Variants in SLC12A5 observed in about 807,000 individuals in gnomAD.
SLC12A5 encodes the protein solute carrier family 12 member 5.
SLC12A5 carries 18 observed loss-of-function variants against 124.0 expected under a neutral mutation model. The ratio of observed to expected loss-of-function variants is 0.15; its 90% CI spans 0.10 to 0.22. The LOEUF is 0.22. SLC12A5 is among the 10% of genes least tolerant of loss of function. SLC12A5 has a pLI of 1.00. For synonymous variants in SLC12A5, 589 were observed against 568.0 expected (o/e 1.04, Z -0.53); for missense variants, 867 against 1,478.7 (o/e 0.59, Z 6.78).
intron 17 of SLC12A5, 64 bp from the exon 18 acceptor site, chr20:46,051,611 A>C (rs1191630027): frequency 6.7e-7 from 1 of 1,500,904 alleles, no homozygotes; most frequent in African/African-American, 1.4e-5. Context: ...GAAGGAGGCT[A>C]CAATGGGCCC....
Position 46,029,243 on chromosome 20 carries a change from G to C in SLC12A5, c.-102G>C, listed in dbSNP as rs927289501. On this transcript the variant is annotated 5_prime_UTR_variant, in exon 1 of 26. Transcript: ENST00000243964. The stretch of plus-strand genomic sequence containing the variant: ...GCAGCTTCTTCCTCCGTGGAGCGGA[G>C]AGCGAGACAGAGCTACAGCGAACGA... 2.7e-6 allele frequency: 4 copies of C among 1,460,740 alleles called. No individual in the cohort carries two copies. The highest frequency in any genetic ancestry group is 3.6e-6 in the Non-Finnish European group (4 of 1,105,142). The allele number at this position is 1,460,740 out of a possible 1,614,324, so 90.5% of individuals were successfully genotyped here. A position where few individuals can be genotyped will look rare whatever the true frequency, so the allele number is the denominator to read the frequency against.
chr20:46,035,586 G>A lies in SLC12A5; in HGVS notation c.279+51G>A, dbSNP rs148864765. The stretch of plus-strand genomic sequence containing the variant: ...GGAAGAAAAGGGACGGATGGGGGGT[G>A]GGGGAGGATGGGGGAGGAAAATGGA... On this transcript the variant is annotated intron_variant, in intron 3 of 25. Coordinates refer to ENST00000243964, the MANE Select transcript of SLC12A5 (RefSeq NM_020708.5). 9.7e-4 allele frequency: 1,476 copies of A among 1,522,154 alleles called. 13 individuals are homozygous for A. In the African/African-American group the frequency reaches 0.019, roughly 20 times the overall value. The allele number at this position is 1,522,154 out of a possible 1,614,324, so 94.3% of individuals were successfully genotyped here.
Position 46,053,677 on chromosome 20 carries a change from C to T in SLC12A5, c.2647C>T (p.Arg883Cys), listed in dbSNP as rs1161641127. 4 of 1,610,082 alleles carry T rather than the reference C, an allele frequency of 2.5e-6. No homozygotes were observed. Among genetic ancestry groups the T allele is most frequent in the Admixed American group, 1.7e-5 (1 of 59,746 alleles). Residue 883 changes from arginine (R) to cysteine (C), a missense_variant, in exon 20 of 26, where the codon CGC (arginine) becomes TGC (cysteine). Coordinates refer to ENST00000243964, the MANE Select transcript of SLC12A5 (RefSeq NM_020708.5). The surrounding 1 kb of genome is among the most constrained non-coding windows in gnomAD (Gnocchi z 4.7). ...TCTGACCACATTTCTGTATCATTTA[C>T]GCATCACTGCGGAGGTCGAGGTGGT... is the stretch of plus-strand genomic sequence containing the variant. ...KDLTTFLYHL[R>C]ITAEVEVVEM...
rs866627644 is a variant in SLC12A5 at position 46,022,105 on chromosome 20, T to C, written c.48+219T>C. The C allele has an allele frequency of 4.0e-5, 5 of 126,198 alleles. No homozygotes were observed. The South Asian group carries it at 1.2e-3, about 29-fold the overall frequency. 7.8% of individuals were successfully genotyped at this position (126,198 alleles called of 1,614,324 possible). A position where few individuals can be genotyped will look rare whatever the true frequency, so the allele number is the denominator to read the frequency against. On this transcript the variant is annotated intron_variant, in intron 1 of 2. Coordinates refer to the SLC12A5 transcript ENST00000413737. ...GGAGGGGCCAAACGCGAGGTGGGCGTGGCCACGAGGGAAAGGGGTGGGGCC... is the reference window on the plus strand; with the variant it reads ...GGAGGGGCCAAACGCGAGGTGGGCGCGGCCACGAGGGAAAGGGGTGGGGCC...
intron 5 of SLC12A5, 100 bp downstream of exon 5, chr20:46,036,895 T>C: frequency 6.9e-7 from 1 of 1,443,776 alleles, no homozygotes; most frequent in South Asian, 1.2e-5. Flanking sequence ...GAGATAATAT[T>C]CTAGACTAGG....
Position 46,058,676 on chromosome 20 carries a change from A to G in SLC12A5, c.*1071A>G. ...CCCCGTATCCCATGGCTCCTCGCCA[A>G]AGACTGAAATTGTGGAGCTGGAGGG... On this transcript the variant is annotated 3_prime_UTR_variant, in exon 26 of 26. Transcript: ENST00000243964. The surrounding 1 kb of genome is among the most constrained non-coding windows in gnomAD (Gnocchi z 5.8). 5.0e-6 allele frequency: 2 copies of G among 398,930 alleles called. No individual in the cohort carries two copies. The highest frequency in any genetic ancestry group is 8.8e-6 in the Non-Finnish European group (2 of 226,064). The allele number at this position is 398,930 out of a possible 1,614,324, so 24.7% of individuals were successfully genotyped here.
In SLC12A5 at chr20:46,039,496, C is replaced by G. The variant is rs573882713; in HGVS notation, c.613-877C>G. ...TCCATATAAATCTATGTCATCTGGCCGGGCACAGTGGCTCATGCCTGTAAT... is the reference window on the plus strand; with the variant it reads ...TCCATATAAATCTATGTCATCTGGCGGGGCACAGTGGCTCATGCCTGTAAT... On this transcript the variant is annotated intron_variant, in intron 6 of 25. Coordinates refer to ENST00000243964, the MANE Select transcript of SLC12A5 (RefSeq NM_020708.5). Among the ~76,000 whole-genome samples the G allele has an allele frequency of 2.0e-5, 3 of 152,162 alleles. No homozygotes were observed. The South Asian group carries it at 6.2e-4, about 32-fold the overall frequency.
chr20:46,037,176 T>A, intron 5 of SLC12A5, 79 bp from the exon 6 acceptor site: 1 of 1,505,982 alleles, frequency 6.6e-7, no homozygotes. Flanking sequence ...CCCTTCTGCC[T>A]CTGTCACTGA....
chr20:46,029,858 C>CTCTG (rs770993329), intron 1 of SLC12A5, among the ~76,000 whole-genome samples: 2 of 133,000 alleles, frequency 1.5e-5, no homozygotes, highest in African/African-American at 3.1e-5. Flanking sequence ...GAAGAGGTGG[C>CTCTG]TGTGTGTGTG....
Position 46,058,406 on chromosome 20 carries a change from A to T in SLC12A5, c.*801A>T, listed in dbSNP as rs1217666835. On this transcript the variant is annotated 3_prime_UTR_variant, in exon 26 of 26. Coordinates refer to ENST00000243964, the MANE Select transcript of SLC12A5 (RefSeq NM_020708.5). This position sits in a 1 kb window ranked among gnomAD's most constrained non-coding sequence, Gnocchi z 5.8. ...CACCCTCCTCTCCAGTCCTTTTCCG[A>T]GATGAGGTGAGACAAGGGTCCAACT... 3 of 398,398 alleles carry T rather than the reference A, an allele frequency of 7.5e-6. No individual in the cohort carries two copies. The highest frequency in any genetic ancestry group is 2.1e-5 in the African/African-American group (1 of 48,488). The allele number at this position is 398,398 out of a possible 1,614,324, so 24.7% of individuals were successfully genotyped here. A position where few individuals can be genotyped will look rare whatever the true frequency, so the allele number is the denominator to read the frequency against.
At chr20:46,034,255 C>T (rs1213764285) in intron 1 of SLC12A5, among the ~76,000 whole-genome samples, 1 of 152,214 alleles carries the variant, frequency 6.6e-6, no homozygotes, top group Non-Finnish European at 1.5e-5. Context: ...TCTCAGCGGA[C>T]ACGTCACTTC....
In SLC12A5 at chr20:46,045,943, C is replaced by T. The variant is rs1050069491; in HGVS notation, c.1635C>T (p.Cys545=). ...TWALLLTACI[C]EIGILIASLD... ...CCCTGCTCCTGACTGCCTGCATCTG[C>T]GAGATTGGCATCCTCATTGCATCCC... The change falls in exon 13 of 26, where the codon TGC becomes TGT. Residue 545 remains cysteine, a synonymous_variant. Transcript: ENST00000243964. This position sits in a 1 kb window ranked among gnomAD's most constrained non-coding sequence, Gnocchi z 4.9. The T allele has an allele frequency of 3.1e-6, 5 of 1,614,070 alleles. No homozygotes were observed. The highest frequency in any genetic ancestry group is 2.2e-5 in the South Asian group (2 of 91,088).
chr20:46,038,942 C>T (rs1288018635), intron 6 of SLC12A5, among the ~76,000 whole-genome samples: 1 of 152,124 alleles, frequency 6.6e-6, no homozygotes, highest in Non-Finnish European at 1.5e-5. Flanking sequence ...GAATAGACCT[C>T]CATGACTTCT....
In SLC12A5 at chr20:46,056,243, G is replaced by A. The variant is rs763466359; in HGVS notation, c.2881G>A (p.Gly961Ser). The A allele has an allele frequency of 1.2e-6, 2 of 1,614,188 alleles. No individual in the cohort carries two copies. The highest frequency in any genetic ancestry group is 1.7e-6 in the Non-Finnish European group (2 of 1,180,032). ...CCTGAACGTCCCAGAAGAGACGGCT[G>A]GTGACAGTGAAGAGAAGCCAGAGGA... is the stretch of plus-strand genomic sequence containing the variant. ...LRLNVPEETA[G>S]DSEEKPEEEV... Residue 961 changes from glycine to serine, a missense_variant, in exon 22 of 26, where the codon GGT becomes AGT. Around this residue, in one of 9 missense-constraint regions of SLC12A5, gnomAD observed 180 missense variants for 243.6 expected, o/e 0.74. Transcript: ENST00000243964. The surrounding 1 kb of genome is among the most constrained non-coding windows in gnomAD (Gnocchi z 4.3).
chr20:46,037,457 C>T, intron 6 of SLC12A5, 72 bp downstream of exon 6: 1 of 1,471,206 alleles, frequency 6.8e-7, no homozygotes, highest in Non-Finnish European at 9.1e-7. Flanking sequence ...CTGGACACCT[C>T]CTATAGGCCA....
chr20:46,047,615 G>C, intron 15 of SLC12A5, 42 bp downstream of exon 15: 1 of 1,600,362 alleles, frequency 6.2e-7, no homozygotes, highest in Non-Finnish European at 8.5e-7. Flanking sequence ...GGGGAAGGCT[G>C]AAGGGTGGTG....
chr20:46,045,093 C>T lies in SLC12A5; in HGVS notation c.1522C>T (p.Arg508Cys), dbSNP rs2084582431. 1.9e-6 allele frequency: 3 copies of T among 1,610,124 alleles called. No individual in the cohort carries two copies. The highest frequency in any genetic ancestry group is 1.3e-5 in the African/African-American group (1 of 74,886). The change falls in exon 12 of 26, where the codon CGC becomes TGC. Residue 508 changes from arginine (R) to cysteine (C), a missense_variant. By Grantham distance (180) the Arg-to-Cys change is radical (BLOSUM62 -3). This residue lies in a region of SLC12A5 where 152 missense variants were observed against 358.7 expected (regional missense o/e 0.42). Coordinates refer to ENST00000243964, the MANE Select transcript of SLC12A5 (RefSeq NM_020708.5). This position sits in a 1 kb window ranked among gnomAD's most constrained non-coding sequence, Gnocchi z 4.9. ...AGLQSLTGAP[R>C]LLQAISRDGI... The stretch of plus-strand genomic sequence containing the variant: ...GCTGCAGAGCCTCACGGGGGCCCCA[C>T]GCCTGCTGCAGGCCATCTCGAGGGA...
upstream of SLC12A5, among the ~76,000 whole-genome samples, chr20:46,024,889 C>T (rs2084383994): frequency 6.6e-6 from 1 of 152,212 alleles, no homozygotes; most frequent in Non-Finnish European, 1.5e-5. Flanking sequence ...TGATCCTCTA[C>T]TATGCCTCCA....
Position 46,045,178 on chromosome 20 carries a change from C to A in SLC12A5, c.1569+38C>A, listed in dbSNP as rs545410948. The A allele has an allele frequency of 6.6e-7, 1 of 1,525,934 alleles. No individual in the cohort carries two copies. The highest frequency in any genetic ancestry group is 8.8e-7 in the Non-Finnish European group (1 of 1,142,644). 94.5% of individuals were successfully genotyped at this position (1,525,934 alleles called of 1,614,324 possible). ...GAAGAACAGCCCACCCTCAGTAGAC[C>A]AGCCAGGCCCCTGCCCAGAGAGACC... On this transcript the variant is annotated intron_variant, in intron 12 of 25. Transcript: ENST00000243964. The surrounding 1 kb of genome is among the most constrained non-coding windows in gnomAD (Gnocchi z 4.9).
Sources: gnomAD v4.1 joint callset for allele counts (sites outside exome capture counted in the v4.1 genomes callset) on GRCh38, gnomAD v4.1.1 for gene constraint, gnomAD v4.1.1 regional missense constraint, Gnocchi (gnomAD v3.1) non-coding constraint, MANE v1.5 for transcripts, NCBI Gene and HGNC (gene_info 2026-07-23, HGNC 2026-07-21) for gene names.